FAM227A: variants seen among roughly 807,000 people sequenced by gnomAD.
FAM227A encodes the protein protein FAM227A.
In FAM227A, 80 loss-of-function variants were observed where a neutral mutation model predicts 74.7. That is an observed-to-expected ratio of 1.07 (90% CI 0.89 to 1.29). The LOEUF (loss-of-function observed/expected upper bound fraction) is 1.29. Among genes scored for constraint, FAM227A ranks in the 50% most tolerant of loss-of-function variants. FAM227A has a pLI of 0.00. For missense variants in FAM227A, 654 were observed against 683.4 expected, an observed-to-expected ratio of 0.96 and a Z score of 0.48; for synonymous variants, 237 against 241.8, an observed-to-expected ratio of 0.98 and a Z score of 0.19.
At chr22:38,587,444 A>G (rs2090834421) in intron 16 of FAM227A, among the ~76,000 whole-genome samples, 1 of 152,212 alleles carries the variant, frequency 6.6e-6, no homozygotes, top group Non-Finnish European at 1.5e-5. Context: ...AAAGCTTGTA[A>G]GAGAATACAA....
intron 16 of FAM227A, among the ~76,000 whole-genome samples, chr22:38,586,868 C>A (rs1469214434): frequency 6.6e-6 from 1 of 151,260 alleles, no homozygotes; most frequent in African/African-American, 2.4e-5. Context: ...TTAGTAGAGA[C>A]AGGGTTTCAC....
Position 38,626,383 on chromosome 22 carries a change from CT to C in FAM227A, c.727-81del, listed in dbSNP as rs139560359. 22 of 1,451,936 alleles carry C rather than the reference CT, an allele frequency of 1.5e-5. No individual in the cohort carries two copies. In the South Asian group the frequency reaches 2.5e-4, roughly 17 times the overall value. The allele number at this position is 1,451,936 out of a possible 1,614,324, so 89.9% of individuals were successfully genotyped here. On this transcript the variant is annotated intron_variant, in intron 8 of 16. Transcript: ENST00000535113. ...TGATTTGGGGATGAGGAAGGACTTT[CT>C]TTTTTTATATATAGTTTTTGTTGTT...
chr22:38,626,071 G>C, intron 9 of FAM227A, 109 bp downstream of exon 9: 1 of 1,118,036 alleles, frequency 8.9e-7, no homozygotes, highest in South Asian at 1.6e-5. Context: ...AGAGAAAAGA[G>C]AGAATGCCTT....
chr22:38,641,974 T>C (rs738249), intron 3 of FAM227A, among the ~76,000 whole-genome samples: 42,185 of 146,010 alleles, frequency 0.29, 6,047 homozygotes, highest in East Asian at 0.36. Flanking sequence ...TGTGTGTGTG[T>C]GCGCACGTGT....
At chr22:38,616,940 G>C (rs994303405) in intron 11 of FAM227A, among the ~76,000 whole-genome samples, 6 of 152,108 alleles carry the variant, frequency 3.9e-5, no homozygotes, top group Middle Eastern at 3.2e-3. Context: ...GGTGCAGAGG[G>C]GGGCAGGCTG....
At chr22:38,594,128 C>T (rs1372035404) in intron 15 of FAM227A, among the ~76,000 whole-genome samples, 1 of 152,226 alleles carries the variant, frequency 6.6e-6, no homozygotes, top group Non-Finnish European at 1.5e-5. Context: ...GTCCCAGGCT[C>T]TGCCTTCCGA....
At chr22:38,645,475 G>T in intron 3 of FAM227A, 88 bp downstream of exon 3, 1 of 734,258 alleles carries the variant, frequency 1.4e-6, no homozygotes, top group South Asian at 1.7e-5. Flanking sequence ...AATAAATGGA[G>T]AGGCCCCAGG....
chr22:38,645,558 C>T lies in FAM227A; in HGVS notation c.225+5G>A. The stretch of plus-strand genomic sequence containing the variant: ...TTTGTCTCAGCTCCAGCATAGGTAA[C>T]TCACCAGGCTGTTGGCCGACGGCTC... On this transcript the variant is annotated splice_donor_5th_base_variant and intron_variant, in intron 3 of 16. Coordinates refer to ENST00000535113, the MANE Select transcript of FAM227A (RefSeq NM_001013647.2). The T allele has an allele frequency of 6.5e-7, 1 of 1,549,618 alleles. No individual in the cohort carries two copies. Among genetic ancestry groups the T allele is most frequent in the Non-Finnish European group, 8.7e-7 (1 of 1,145,156 alleles).
intron 11 of FAM227A, among the ~76,000 whole-genome samples, chr22:38,619,083 T>C (rs920357665): frequency 4.0e-5 from 6 of 151,752 alleles, no homozygotes; most frequent in African/African-American, 1.5e-4. Flanking sequence ...GCAATGGTGA[T>C]AGGAGCTTAC....
chr22:38,633,121 AG>A, intron 6 of FAM227A, among the ~76,000 whole-genome samples: 1 of 152,232 alleles, frequency 6.6e-6, no homozygotes, highest in African/African-American at 2.4e-5. Flanking sequence ...GAGTGAGGGG[AG>A]GTAACGGAGG....
chr22:38,615,740 T>G (rs1241018768), intron 11 of FAM227A, among the ~76,000 whole-genome samples: 1 of 152,134 alleles, frequency 6.6e-6, no homozygotes, highest in African/African-American at 2.4e-5. Context: ...TATTGGAGGT[T>G]TTAAGCAGGG....
At chr22:38,611,733 C>T (rs762766692) in intron 11 of FAM227A, among the ~76,000 whole-genome samples, 8 of 152,146 alleles carry the variant, frequency 5.3e-5, no homozygotes, top group Admixed American at 1.3e-4. Flanking sequence ...CCACTGTAGT[C>T]GTGCACTCCT....
At chr22:38,603,840 G>A (rs2091227108) in intron 13 of FAM227A, among the ~76,000 whole-genome samples, 1 of 152,080 alleles carries the variant, frequency 6.6e-6, no homozygotes, top group South Asian at 2.1e-4. Context: ...GGTGATACTG[G>A]GGGGTTATGT....
intron 6 of FAM227A, among the ~76,000 whole-genome samples, chr22:38,630,317 G>A (rs928667337): frequency 3.9e-5 from 6 of 152,226 alleles, no homozygotes; most frequent in Admixed American, 6.5e-5. Flanking sequence ...TCTGAGCCCC[G>A]CTCTTTGCTT....
Position 38,585,885 on chromosome 22 carries a change from G to A in FAM227A, c.*240C>T, listed in dbSNP as rs530982218. ...TTGTAACATACTTACCAGCATGCAC[G>A]TAATAAAATACTGAAAGAGTAAATC... On this transcript the variant is annotated 3_prime_UTR_variant, in exon 17 of 17. Transcript: ENST00000535113. 5.3e-5 allele frequency: 47 copies of A among 887,716 alleles called. No homozygotes were observed. Among genetic ancestry groups the A allele is most frequent in the Middle Eastern group, 7.0e-4 (2 of 2,870 alleles). 55.0% of individuals were successfully genotyped at this position (887,716 alleles called of 1,614,324 possible). A position where few individuals can be genotyped will look rare whatever the true frequency, so the allele number is the denominator to read the frequency against.
intron 8 of FAM227A, among the ~76,000 whole-genome samples, chr22:38,626,894 ATATATAT>A (rs2091820260): frequency 4.3e-5 from 4 of 92,682 alleles, no homozygotes; most frequent in African/African-American, 1.8e-4. Flanking sequence ...AAAAAAAAAT[ATATATAT>A]ATATATATAT....
At chr22:38,635,410 C>T (rs1163705045) in intron 6 of FAM227A, among the ~76,000 whole-genome samples, 3 of 151,994 alleles carry the variant, frequency 2.0e-5, no homozygotes, top group South Asian at 4.2e-4. Context: ...ATCAGAGCTG[C>T]TTTGGGGACA....
chr22:38,597,416 A>T, intron 14 of FAM227A, 60 bp from the exon 15 acceptor site: 1 of 1,503,520 alleles, frequency 6.7e-7, no homozygotes, highest in Non-Finnish European at 9.1e-7. Context: ...CTGCATTATT[A>T]GTGGCATGAG....
intron 6 of FAM227A, among the ~76,000 whole-genome samples, chr22:38,631,732 G>A (rs534543807): frequency 4.6e-5 from 7 of 152,148 alleles, no homozygotes; most frequent in Middle Eastern, 3.4e-3. Flanking sequence ...GCCTGGTGCC[G>A]GGACTGGGAG....
Sources: gnomAD v4.1 joint callset for allele counts (sites outside exome capture counted in the v4.1 genomes callset) on GRCh38, gnomAD v4.1.1 for gene constraint, MANE v1.5 for transcripts, NCBI Gene and HGNC (gene_info 2026-07-23, HGNC 2026-07-21) for gene names.